Variants in RBFOX3 observed in about 807,000 individuals in gnomAD.
The protein encoded by RBFOX3 is RNA binding fox-1 homolog 3.
A neutral mutation model predicts 48.7 loss-of-function variants in RBFOX3; 17 were observed. The observed-to-expected ratio is 0.35, with a 90% CI of 0.24 to 0.52. The LOEUF (loss-of-function observed/expected upper bound fraction) is 0.52. Ranked by LOEUF, RBFOX3 falls within the 20% of genes least tolerant of loss-of-function variation. The probability of loss-of-function intolerance (pLI) is 0.94; values close to 1 mark genes in which losing one functional copy is unlikely to be tolerated. For missense variants in RBFOX3, 382 were observed against 497.5 expected, an observed-to-expected ratio of 0.77 and a Z score of 2.21; for synonymous variants, 212 against 209.5, an observed-to-expected ratio of 1.01 and a Z score of -0.10.
In RBFOX3 at chr17:79,103,361, G is replaced by A; in HGVS notation, c.415-107C>T. On this transcript the variant is annotated intron_variant, in intron 7 of 14. Coordinates refer to ENST00000693108, the MANE Select transcript of RBFOX3 (RefSeq NM_001350451.2). The surrounding 1 kb of genome is among the most constrained non-coding windows in gnomAD (Gnocchi z 6.1). Reference sequence around the variant, plus strand: ...AGTGGGAGGGGGGCAGGGGAGTGGGGAGAGAGAGAGAAGGGGTTGAGTCAG... The same window carrying A: ...AGTGGGAGGGGGGCAGGGGAGTGGGAAGAGAGAGAGAAGGGGTTGAGTCAG... 2 of 728,740 alleles carry A rather than the reference G, an allele frequency of 2.7e-6. No homozygotes were observed. Among genetic ancestry groups the A allele is most frequent in the South Asian group, 1.6e-5 (1 of 61,496 alleles). 45.1% of individuals were successfully genotyped at this position (728,740 alleles called of 1,614,324 possible).
At chr17:79,629,547 G>A in the RBFOX3 span, among the ~76,000 whole-genome samples, 6 of 152,294 alleles carry the variant, frequency 3.9e-5, no homozygotes, top group East Asian at 3.9e-4. Context: ...GGTGGGATTC[G>A]GAGTCAGTGT....
chr17:79,261,308 T>C (rs1277500308), intron 3 of RBFOX3, among the ~76,000 whole-genome samples: 1 of 152,228 alleles, frequency 6.6e-6, no homozygotes, highest in Non-Finnish European at 1.5e-5. Context: ...AATAAATATG[T>C]GTGAGTAAAT....
chr17:79,526,605 AG>A (rs1403417761), intron 1 of RBFOX3, among the ~76,000 whole-genome samples: 77 of 152,164 alleles, frequency 5.1e-4, no homozygotes, highest in Non-Finnish European at 9.3e-4. Flanking sequence ...GGGTTGGCAA[AG>A]GGAAAAACCA....
chr17:79,128,954 C>T (rs2038058460), intron 4 of RBFOX3, among the ~76,000 whole-genome samples: 1 of 152,166 alleles, frequency 6.6e-6, no homozygotes, highest in Admixed American at 6.5e-5. Context: ...GTGAAGAAAC[C>T]TCTGGTGGTG....
At chr17:79,498,290 A>G (rs1854158398) in intron 1 of RBFOX3, among the ~76,000 whole-genome samples, 1 of 152,102 alleles carries the variant, frequency 6.6e-6, no homozygotes, top group South Asian at 2.1e-4. Context: ...AATCCAACAG[A>G]AGAATTCTGG....
intron 4 of RBFOX3, among the ~76,000 whole-genome samples, chr17:79,219,471 G>A (rs192648703): frequency 5.9e-5 from 9 of 152,220 alleles, no homozygotes; most frequent in Middle Eastern, 3.4e-3. Flanking sequence ...TCCCAGTTCC[G>A]CCCAGTTGAG....
Position 79,534,836 on chromosome 17 carries a change from C to A in RBFOX3, c.-319-52238G>T, listed in dbSNP as rs1324165690. Among the ~76,000 whole-genome samples the A allele has an allele frequency of 2.0e-5, 3 of 152,210 alleles. 1 individual carries two copies. The highest frequency in any genetic ancestry group is 6.5e-5 in the Admixed American group (1 of 15,288). On this transcript the variant is annotated intron_variant, in intron 1 of 14. Coordinates refer to ENST00000693108, the MANE Select transcript of RBFOX3 (RefSeq NM_001350451.2). Reference sequence around the variant, plus strand: ...CCCCTTCAGGAAAACGCCCACCTGCCATGTGCAAAACAAAGACAGAGGGAG... The same window carrying A: ...CCCCTTCAGGAAAACGCCCACCTGCAATGTGCAAAACAAAGACAGAGGGAG...
chr17:79,259,463 C>T (rs991344449), intron 3 of RBFOX3, among the ~76,000 whole-genome samples: 2 of 152,212 alleles, frequency 1.3e-5, no homozygotes, highest in African/African-American at 2.4e-5. Flanking sequence ...ATGGGGTCAT[C>T]GCCAGAGAAG....
the RBFOX3 span, among the ~76,000 whole-genome samples, chr17:79,650,822 G>A: frequency 3.9e-5 from 6 of 152,246 alleles, no homozygotes; most frequent in East Asian, 5.8e-4. Context: ...ACCAGTCCCC[G>A]GCATCTCCAA....
chr17:79,244,880 T>G (rs2062935670), intron 3 of RBFOX3, among the ~76,000 whole-genome samples: 1 of 145,822 alleles, frequency 6.9e-6, no homozygotes, highest in South Asian at 2.3e-4. Context: ...TCCCTTTCCT[T>G]CCCTCCCTCC....
intron 2 of RBFOX3, among the ~76,000 whole-genome samples, chr17:79,461,687 G>T (rs1555748924): frequency 6.6e-6 from 1 of 152,120 alleles, no homozygotes; most frequent in African/African-American, 2.4e-5. Context: ...TCGGAAACAG[G>T]GTCTGCACAG....
intron 2 of RBFOX3, among the ~76,000 whole-genome samples, chr17:79,394,147 C>T (rs999930609): frequency 2.0e-5 from 3 of 152,182 alleles, no homozygotes; most frequent in South Asian, 2.1e-4. Context: ...AGTTGGTCCC[C>T]GCGCACATCA....
intron 4 of RBFOX3, among the ~76,000 whole-genome samples, chr17:79,131,964 T>C (rs2039020816): frequency 6.6e-6 from 1 of 152,188 alleles, no homozygotes; most frequent in African/African-American, 2.4e-5. Flanking sequence ...GCTCACTGCA[T>C]ACAAATCATA....
rs531255398 is a variant in RBFOX3, at chr17:79,443,119, C to T, written c.-175+39335G>A. ...TGGCCTCTGCCCCTGTGGACAAAAC[C>T]GGAGCTCAGCCTCCCATGTCGCCTC... On this transcript the variant is annotated intron_variant, in intron 2 of 14. Coordinates refer to ENST00000693108, the MANE Select transcript of RBFOX3 (RefSeq NM_001350451.2). This position sits in a 1 kb window ranked among gnomAD's most constrained non-coding sequence, Gnocchi z 4.4. Among the ~76,000 whole-genome samples, 64 of 152,298 alleles carry T rather than the reference C, an allele frequency of 4.2e-4. No individual in the cohort carries two copies. Among genetic ancestry groups the T allele is most frequent in the African/African-American group, 1.5e-3 (62 of 41,568 alleles).
intron 2 of RBFOX3, among the ~76,000 whole-genome samples, chr17:79,407,049 G>A (rs775425022): frequency 6.6e-5 from 10 of 152,310 alleles, no homozygotes; most frequent in African/African-American, 1.7e-4. Context: ...CGCTCTTGTC[G>A]CCCAGGCTGG....
intron 2 of RBFOX3, among the ~76,000 whole-genome samples, chr17:79,323,779 T>C (rs1274183984): frequency 2.0e-5 from 3 of 152,216 alleles, no homozygotes; most frequent in Non-Finnish European, 4.4e-5. Context: ...TGGCCGGTGG[T>C]GTGTGGAGCA....
At position 79,477,397 on chromosome 17, in the gene RBFOX3, A is replaced by C. The variant is rs2078028090; in HGVS notation, c.-175+5057T>G. 1.3e-5 allele frequency among the ~76,000 whole-genome samples: 2 copies of C among 151,784 alleles called. No individual in the cohort carries two copies. The highest frequency in any genetic ancestry group is 2.9e-5 in the Non-Finnish European group (2 of 67,948). The stretch of plus-strand genomic sequence containing the variant: ...CGGTGAAACCCCGTCTCTACTAAAA[A>C]TACAAAACATTAGCCAGACGTGGTG... On this transcript the variant is annotated intron_variant, in intron 2 of 14. Transcript: ENST00000693108. This position sits in a 1 kb window ranked among gnomAD's most constrained non-coding sequence, Gnocchi z 4.8.
rs1263473529 is a variant in RBFOX3, at chr17:79,107,769, G to A, written c.223-981C>T. Among the ~76,000 whole-genome samples, 5 of 152,358 alleles carry A rather than the reference G, an allele frequency of 3.3e-5. No individual in the cohort carries two copies. The East Asian group carries it at 7.7e-4, about 24-fold the overall frequency. ...CCAGTTCCATGGATGCAGCCAAACC[G>A]CAGGTGCCAGCCTCGCAGGCTGTTT... On this transcript the variant is annotated intron_variant, in intron 5 of 14. Transcript: ENST00000693108.
At chr17:79,549,816 A>C (rs57526497) in intron 1 of RBFOX3, among the ~76,000 whole-genome samples, 122,463 of 152,216 alleles carry the variant, frequency 0.8, 52,076 homozygotes, top group Non-Finnish European at 0.94. Context: ...CAGCCTGGTC[A>C]GAGCTAACGT....
Sources: allele counts gnomAD v4.1 joint callset (sites outside exome capture counted in the v4.1 genomes callset), GRCh38; gene constraint gnomAD v4.1.1; non-coding constraint Gnocchi (gnomAD v3.1); transcripts MANE v1.5; gene names NCBI Gene and HGNC (gene_info 2026-07-23, HGNC 2026-07-21).